PKD1: variants seen among roughly 807,000 people sequenced by gnomAD.
PKD1 encodes polycystin-1.
PKD1 carries 81 observed loss-of-function variants against 361.7 expected under a neutral mutation model. That is an observed-to-expected ratio of 0.22 (90% CI 0.19 to 0.27). The LOEUF is 0.27. Ranked by LOEUF, PKD1 falls within the 10% of genes least tolerant of loss-of-function variation. PKD1 has a pLI of 1.00. For synonymous variants in PKD1, 3,615 were observed against 2,818.3 expected (o/e 1.28, Z -8.95); for missense variants, 6,399 against 6,118.3 (o/e 1.05, Z -1.53).
In PKD1 at chr16:2,104,484, A is replaced by G; in HGVS notation, c.8161+14T>C. 2.0e-6 allele frequency: 3 copies of G among 1,504,184 alleles called. No homozygotes were observed. Among genetic ancestry groups the G allele is most frequent in the South Asian group, 2.4e-5 (2 of 83,888 alleles). The allele number at this position is 1,504,184 out of a possible 1,614,324, so 93.2% of individuals were successfully genotyped here. A position where few individuals can be genotyped will look rare whatever the true frequency, so the allele number is the denominator to read the frequency against. ...ACGGGGCGGGCGGGTGGCATGGGGC[A>G]CGGGCCGCGGCACCTGTGATGTTGA... On this transcript the variant is annotated intron_variant, in intron 22 of 45. Coordinates refer to ENST00000262304, the MANE Select transcript of PKD1 (RefSeq NM_001009944.3).
In PKD1 at chr16:2,108,330, G is replaced by A. The variant is rs761620948; in HGVS notation, c.6837C>T (p.Ser2279=). The change falls in exon 15 of 46, where the codon AGC becomes AGT. Residue 2279 remains serine, a synonymous_variant. Coordinates refer to ENST00000262304, the MANE Select transcript of PKD1 (RefSeq NM_001009944.3). The stretch of plus-strand genomic sequence containing the variant: ...CCTCCAGGTTGGGGTCGTAGGACTC[G>A]CTCCCATCCAGCACCAGGTCCCGTG... ...SDTRDLVLDG[S]ESYDPNLEDG... 1.2e-5 allele frequency: 20 copies of A among 1,606,150 alleles called. No individual in the cohort carries two copies. Among genetic ancestry groups the A allele is most frequent in the South Asian group, 1.1e-4 (10 of 90,908 alleles).
In PKD1 at chr16:2,088,825, G is replaced by A; in HGVS notation, c.*902C>T. Reference sequence around the variant, plus strand: ...TGGTACACAGAAGCAGGCACAGCCAGCTCCGAGGGCCTTGAGGCTGCCTGG... The same window carrying A: ...TGGTACACAGAAGCAGGCACAGCCAACTCCGAGGGCCTTGAGGCTGCCTGG... On this transcript the variant is annotated 3_prime_UTR_variant, in exon 46 of 46. Coordinates refer to ENST00000262304, the MANE Select transcript of PKD1 (RefSeq NM_001009944.3). 1 of 644,092 alleles carries A rather than the reference G, an allele frequency of 1.6e-6. No homozygotes were observed. Among genetic ancestry groups the A allele is most frequent in the East Asian group, 2.8e-5 (1 of 35,522 alleles). 39.9% of individuals were successfully genotyped at this position (644,092 alleles called of 1,614,324 possible).
In PKD1 at chr16:2,097,493, A is replaced by C; in HGVS notation, c.10231T>G (p.Trp3411Gly). Reference sequence around the variant, plus strand: ...CTGAGCGTTCCCTCGCCGGAGGGCCAGCACACCAGACTGCAGGTGGCGCGG... The same window carrying C: ...CTGAGCGTTCCCTCGCCGGAGGGCCCGCACACCAGACTGCAGGTGGCGCGG... ...FLDDSKSLVC[W>G]PSGEGTLSWP... The change falls in exon 33 of 46, where the codon TGG becomes GGG. Residue 3411 changes from tryptophan (W) to glycine (G), a missense_variant. Coordinates refer to ENST00000262304, the MANE Select transcript of PKD1 (RefSeq NM_001009944.3). 1 of 1,601,958 alleles carries C rather than the reference A, an allele frequency of 6.2e-7. No individual in the cohort carries two copies.
chr16:2,108,959 G>C lies in PKD1; in HGVS notation c.6208C>G (p.Pro2070Ala). 1 of 1,608,504 alleles carries C rather than the reference G, an allele frequency of 6.2e-7. No individual in the cohort carries two copies. The highest frequency in any genetic ancestry group is 1.1e-5 in the South Asian group (1 of 90,638). Residue 2070 changes from proline to alanine, a missense_variant, in exon 15 of 46, where the codon CCC (proline) becomes GCC (alanine). By Grantham distance (27) the Pro-to-Ala change is conservative. Transcript: ENST00000262304. ...TGCGCCGAGCGGTTGGTGAAGCAGG[G>C]GCCGCTCTGCAGGGCCACATACTGG... The part of the protein sequence containing the change: ...AVQYVALQSG[P>A]CFTNRSAQFE...
At position 2,090,588 on chromosome 16, in the gene PKD1, G is replaced by A. The variant is rs1384786564; in HGVS notation, c.12141C>T (p.Leu4047=). ...GVAYAQLAIL[L]VSSCVDSLWS... Reference sequence around the variant, plus strand: ...AGAGGGAGTCCACACAGGAAGACACGAGCTGCGGGGAAGGCGACACCAGTG... The same window carrying A: ...AGAGGGAGTCCACACAGGAAGACACAAGCTGCGGGGAAGGCGACACCAGTG... The change falls in exon 45 of 46, where the codon CTC becomes CTT. Residue 4047 remains leucine, a splice_region_variant and synonymous_variant. Coordinates refer to ENST00000262304, the MANE Select transcript of PKD1 (RefSeq NM_001009944.3). 1.2e-6 allele frequency: 2 copies of A among 1,608,526 alleles called. No individual in the cohort carries two copies. Among genetic ancestry groups the A allele is most frequent in the Non-Finnish European group, 1.7e-6 (2 of 1,179,736 alleles).
At chr16:2,114,109 T>G (rs943482288) in intron 11 of PKD1, 61 bp downstream of exon 11, 8 of 1,428,740 alleles carry the variant, frequency 5.6e-6, no homozygotes, top group Non-Finnish European at 7.8e-6. Context: ...ACGCCCTGTG[T>G]GAGCACCCTG....
rs375986432 is a variant in PKD1 at position 2,100,138 on chromosome 16, G to A, written c.9712+28C>T. 190 of 1,596,756 alleles carry A rather than the reference G, an allele frequency of 1.2e-4. No homozygotes were observed. Among genetic ancestry groups the A allele is most frequent in the Non-Finnish European group, 1.4e-4 (166 of 1,167,556 alleles). On this transcript the variant is annotated intron_variant, in intron 28 of 45. Coordinates refer to ENST00000262304, the MANE Select transcript of PKD1 (RefSeq NM_001009944.3). The surrounding 1 kb of genome is among the most constrained non-coding windows in gnomAD (Gnocchi z 4.4). ...AGGACCACCCTGCCCAACCTCCCACGGAGTGGGAACATGGAACGAGGCCTT... is the reference window on the plus strand; with the variant it reads ...AGGACCACCCTGCCCAACCTCCCACAGAGTGGGAACATGGAACGAGGCCTT...
intron 1 of PKD1, among the ~76,000 whole-genome samples, chr16:2,131,556 C>A (rs2092880058): frequency 6.6e-6 from 1 of 150,426 alleles, no homozygotes; most frequent in African/African-American, 2.4e-5. Context: ...ACATCACTCA[C>A]ACCTGTAATC....
rs569228781 is a variant in PKD1, at chr16:2,099,920, G to A, written c.9864C>T (p.Ile3288=). ...CGGCGTTGGCGCCCAGGAAGAGGCA[G>A]ATGAGGAGAACGCAGCAGGTGGCCC... is the stretch of plus-strand genomic sequence containing the variant. ...IQRATCCVLL[I]CLFLGANAVW... The change falls in exon 29 of 46, where the codon ATC becomes ATT. Residue 3288 remains isoleucine (I), a synonymous_variant. Transcript: ENST00000262304. The A allele has an allele frequency of 6.4e-7, 1 of 1,565,094 alleles. No homozygotes were observed. Among genetic ancestry groups the A allele is most frequent in the Non-Finnish European group, 8.6e-7 (1 of 1,156,280 alleles).
At position 2,108,588 on chromosome 16, in the gene PKD1, G is replaced by T; in HGVS notation, c.6579C>A (p.Ala2193=). Residue 2193 remains alanine, a synonymous_variant, in exon 15 of 46, where the codon GCC becomes GCA. Coordinates refer to ENST00000262304, the MANE Select transcript of PKD1 (RefSeq NM_001009944.3). ...CTGGGCGCCCCGGCCGCTGGCAGCT[G>T]GCGGTGCGATACACCTCCCAGCGGT... is the stretch of plus-strand genomic sequence containing the variant. ...TEYRWEVYRT[A]SCQRPGRPAR... 1.9e-6 allele frequency: 3 copies of T among 1,558,468 alleles called. No homozygotes were observed. The highest frequency in any genetic ancestry group is 2.6e-6 in the Non-Finnish European group (3 of 1,151,544).
Position 2,109,121 on chromosome 16 carries a change from C to T in PKD1, c.6046G>A (p.Asp2016Asn), listed in dbSNP as rs542248527. The change falls in exon 15 of 46, where the codon GAC becomes AAC. Residue 2016 changes from aspartate (D) to asparagine (N), a missense_variant. By Grantham distance (23) the Asp-to-Asn change is conservative. Coordinates refer to ENST00000262304, the MANE Select transcript of PKD1 (RefSeq NM_001009944.3). ...CGGCCCGACAGGATGACCAGCGAGT[C>T]GCCCTGGACCTTCTGCAGCGAGAAG... ...WYFSLQKVQG[D>N]SLVILSGRDV... 6.2e-6 allele frequency: 10 copies of T among 1,601,816 alleles called. No individual in the cohort carries two copies. Among genetic ancestry groups the T allele is most frequent in the South Asian group, 3.3e-5 (3 of 90,908 alleles).
intron 1 of PKD1, among the ~76,000 whole-genome samples, chr16:2,130,415 TG>T (rs1254323117): frequency 1.3e-5 from 2 of 152,194 alleles, no homozygotes; most frequent in African/African-American, 2.4e-5. Flanking sequence ...TCACCTGCAC[TG>T]GGGGTCCTTC....
In PKD1 at chr16:2,099,687, A is replaced by G. The variant is rs753957271; in HGVS notation, c.10007T>C (p.Val3336Ala). 8.8e-6 allele frequency: 14 copies of G among 1,594,432 alleles called. No individual in the cohort carries two copies. The highest frequency in any genetic ancestry group is 5.4e-5 in the African/African-American group (4 of 74,706). The change falls in exon 30 of 46, where the codon GTC becomes GCC. Residue 3336 changes from valine to alanine, a missense_variant. Physicochemically the swap from Val to Ala is moderately conservative, Grantham distance 64. Transcript: ENST00000262304. ...GLVSSVVVYP[V>A]YLAILFLFRM... ...GAAGAGAAAAAGGATGGCCAGGTAG[A>G]CGGGATAGACAACCACGCTGGACAC...
At position 2,106,029 on chromosome 16, in the gene PKD1, G is replaced by T. The variant is rs1200928241; in HGVS notation, c.7704-5C>A. 4 of 1,606,638 alleles carry T rather than the reference G, an allele frequency of 2.5e-6. No individual in the cohort carries two copies. The highest frequency in any genetic ancestry group is 3.4e-6 in the Non-Finnish European group (4 of 1,179,064). On this transcript the variant is annotated splice_region_variant and splice_polypyrimidine_tract_variant and intron_variant, in intron 19 of 45. Transcript: ENST00000262304. The surrounding 1 kb of genome is among the most constrained non-coding windows in gnomAD (Gnocchi z 6.5). ...GGGAGGGTGATGGCCAAAGACCTAC[G>T]AGCAGAGGGGGGTGGTGAGCAGGTG...
chr16:2,106,948 C>G lies in PKD1; in HGVS notation c.7066G>C (p.Val2356Leu). ...GRKEEATNQT[V>L]LIRSGRVPIV... is the part of the protein sequence containing the mutation. ...GGCACCCGGCCACTCCGGATCAGCA[C>G]CTGGCGTGGGAGTGGGGTTACCTCC... The change falls in exon 17 of 46, where the codon GTG becomes CTG. Residue 2356 changes from valine (V) to leucine (L), a missense_variant and splice_region_variant. Val to Leu is a conservative substitution (Grantham distance 32). Coordinates refer to ENST00000262304, the MANE Select transcript of PKD1 (RefSeq NM_001009944.3). This position sits in a 1 kb window ranked among gnomAD's most constrained non-coding sequence, Gnocchi z 6.5. 1.3e-6 allele frequency: 2 copies of G among 1,586,796 alleles called. No homozygotes were observed. The highest frequency in any genetic ancestry group is 1.7e-6 in the Non-Finnish European group (2 of 1,172,768).
chr16:2,095,176 G>A (rs1198585181), intron 34 of PKD1: 1 of 144,076 alleles, frequency 6.9e-6, no homozygotes, highest in Non-Finnish European at 1.5e-5. Flanking sequence ...TTGGGAGGCT[G>A]AGATGGGTGG....
chr16:2,135,038 C>G (rs1234524424), intron 1 of PKD1: 1 of 946,190 alleles, frequency 1.1e-6, no homozygotes, highest in Admixed American at 6.2e-5. Flanking sequence ...CTCATCGCCC[C>G]TTCCTAAGCA....
At position 2,110,051 on chromosome 16, in the gene PKD1, C is replaced by T. The variant is rs747444230; in HGVS notation, c.5116G>A (p.Ala1706Thr). 1.8e-5 allele frequency: 29 copies of T among 1,610,122 alleles called. No individual in the cohort carries two copies. Among genetic ancestry groups the T allele is most frequent in the African/African-American group, 2.7e-5 (2 of 74,860 alleles). Residue 1706 changes from alanine to threonine, a missense_variant, in exon 15 of 46, where the codon GCC becomes ACC. Ala to Thr is a moderately conservative substitution (Grantham distance 58, BLOSUM62 0). Transcript: ENST00000262304. Reference protein sequence around the residue: ...QLRATNMLGSAWADCTMDFVE... With the variant: ...QLRATNMLGSTWADCTMDFVE... ...AAGTCCATGGTGCAGTCGGCCCAGG[C>T]GCTGCCCAGCATGTTGGTGGCCCGC...
At chr16:2,099,111 CG>C (rs1358314827) in intron 30 of PKD1, 6 of 260,572 alleles carry the variant, frequency 2.3e-5, no homozygotes, top group African/African-American at 1.4e-4. Context: ...GGATTACAGG[CG>C]TGAGCCACCG....
Sources: allele counts gnomAD v4.1 joint callset (sites outside exome capture counted in the v4.1 genomes callset), GRCh38; gene constraint gnomAD v4.1.1; non-coding constraint Gnocchi (gnomAD v3.1); transcripts MANE v1.5; gene names NCBI Gene and HGNC (gene_info 2026-07-23, HGNC 2026-07-21).